The following AFF2 variants were observed in gnomAD, a reference collection of about 807,000 sequenced individuals.
AFF2 encodes AF4/FMR2 family member 2.
AFF2 carries 14 observed loss-of-function variants against 76.9 expected under a neutral mutation model. The ratio of observed to expected loss-of-function variants is 0.18; its 90% CI spans 0.12 to 0.28. The LOEUF (loss-of-function observed/expected upper bound fraction) is 0.28, where lower values mean the gene tolerates loss of function less well. Among genes scored for constraint, AFF2 ranks in the 10% least tolerant of loss-of-function variants. The probability of loss-of-function intolerance (pLI) is 1.00; values close to 1 mark genes in which losing one functional copy is unlikely to be tolerated. For missense variants in AFF2, 868 were observed against 1,001.1 expected (o/e 0.87, Z 1.79); for synonymous variants, 398 against 366.7 (o/e 1.09, Z -0.98).
chrX:148,833,614 A>T (rs1316707369), intron 4 of AFF2, among the ~76,000 whole-genome samples: 1 of 109,872 alleles, frequency 9.1e-6, no homozygotes, highest in African/African-American at 3.3e-5. Context: ...AAAAAAAAAA[A>T]ATAAAAAATA....
intron 7 of AFF2, among the ~76,000 whole-genome samples, chrX:148,864,155 G>A (rs1378447895): frequency 1.8e-5 from 2 of 111,680 alleles, no homozygotes; most frequent in Non-Finnish European, 3.8e-5. Context: ...TGGCATAATC[G>A]TTGAATTTGA....
intron 9 of AFF2, among the ~76,000 whole-genome samples, chrX:148,920,759 G>A (rs1209374489): frequency 9.0e-6 from 1 of 110,761 alleles, no homozygotes; most frequent in African/African-American, 3.3e-5. Flanking sequence ...TAAGATGGGG[G>A]ACATAGTTTA....
intron 13 of AFF2, among the ~76,000 whole-genome samples, chrX:148,963,787 G>A (rs1051160926): frequency 2.7e-5 from 3 of 112,225 alleles, no homozygotes; most frequent in African/African-American, 9.7e-5. Context: ...ACTGTCTTGG[G>A]CTGGCCTAAC....
At chrX:148,698,797 GTTTTTTTTT>G (rs142604433) in intron 3 of AFF2, among the ~76,000 whole-genome samples, 1 of 71,714 alleles carries the variant, frequency 1.4e-5, no homozygotes, top group African/African-American at 5.0e-5. Context: ...GAGTTCTAGT[GTTTTTTTTT>G]TTTTTTTTTT....
At chrX:148,785,363 T>A (rs188413515) in intron 3 of AFF2, among the ~76,000 whole-genome samples, 17 of 111,789 alleles carry the variant, frequency 1.5e-4, no homozygotes, top group Admixed American at 1.5e-3. Context: ...TTTAGGTGAT[T>A]TCTGGGACAT....
intron 1 of AFF2, among the ~76,000 whole-genome samples, chrX:148,508,374 G>A (rs2052447048): frequency 9.0e-6 from 1 of 111,625 alleles, no homozygotes; most frequent in South Asian, 3.7e-4. Context: ...TTTCTTTTTT[G>A]TATAAGTAAA....
intron 2 of AFF2, among the ~76,000 whole-genome samples, chrX:148,655,035 A>C (rs1302072011): frequency 9.0e-6 from 1 of 111,144 alleles, no homozygotes; most frequent in African/African-American, 3.3e-5. Flanking sequence ...CTTTAAGGTA[A>C]ATGCCATCTT....
rs144227454 is a variant in AFF2 at position 148,566,952 on chromosome X, C to G, written c.47+65808C>G. On this transcript the variant is annotated intron_variant, in intron 1 of 20. Transcript: ENST00000370460. Reference sequence around the variant, plus strand: ...TTTTTGCTTCATAGTATTTCTTACTCTTAGAGTTCAGTGATTATTTGTGTA... The same window carrying G: ...TTTTTGCTTCATAGTATTTCTTACTGTTAGAGTTCAGTGATTATTTGTGTA... Among the ~76,000 whole-genome samples, 804 of 111,659 alleles carry G rather than the reference C, an allele frequency of 7.2e-3. 10 individuals carry two copies. Among genetic ancestry groups the G allele is most frequent in the African/African-American group, 0.025 (768 of 30,762 alleles).
chrX:148,633,384 C>G (rs1455348765), intron 1 of AFF2, among the ~76,000 whole-genome samples: 2 of 111,999 alleles, frequency 1.8e-5, no homozygotes, highest in African/African-American at 6.5e-5. Context: ...GCCTCTTCTA[C>G]TCTGTGGTAC....
At chrX:148,945,714 C>G (rs781794678) in intron 9 of AFF2, among the ~76,000 whole-genome samples, 1 of 112,262 alleles carries the variant, frequency 8.9e-6, no homozygotes, top group Admixed American at 9.4e-5. Context: ...ATCCAGCCCT[C>G]TTAAAAACCT....
intron 9 of AFF2, 49 bp downstream of exon 9, chrX:148,904,307 A>T: frequency 1.3e-6 from 1 of 746,638 alleles, no homozygotes; most frequent in Admixed American, 2.5e-5. Context: ...AACGGACTCG[A>T]TGCATGTGAA....
intron 3 of AFF2, among the ~76,000 whole-genome samples, chrX:148,767,672 T>C (rs1291195791): frequency 8.9e-6 from 1 of 111,943 alleles, no homozygotes; most frequent in Non-Finnish European, 1.9e-5. Flanking sequence ...ACAAACAAAT[T>C]ACAGCCATCT....
chrX:148,866,979 C>T (rs1351183194), intron 7 of AFF2, among the ~76,000 whole-genome samples: 6 of 111,962 alleles, frequency 5.4e-5, no homozygotes, highest in African/African-American at 1.6e-4. Context: ...TCATCAACAA[C>T]GCACATGTGG....
chrX:148,854,657 A>G (rs1452684670), intron 7 of AFF2, among the ~76,000 whole-genome samples: 1 of 111,590 alleles, frequency 9.0e-6, no homozygotes, highest in Non-Finnish European at 1.9e-5. Flanking sequence ...GCTTAGTGGC[A>G]TAAAAGCTGA....
At chrX:148,888,161 A>G (rs1211120829) in intron 8 of AFF2, among the ~76,000 whole-genome samples, 3 of 111,653 alleles carry the variant, frequency 2.7e-5, no homozygotes, top group Non-Finnish European at 5.7e-5. Flanking sequence ...TGGAAACTCC[A>G]TACCCATTAA....
rs782191189 is a variant in AFF2, at chrX:148,791,175, A to G, written c.1042-18701A>G. Among the ~76,000 whole-genome samples the G allele has an allele frequency of 5.3e-5, 6 of 112,425 alleles. No homozygotes were observed. The South Asian group carries it at 2.2e-3, about 42-fold the overall frequency. On this transcript the variant is annotated intron_variant, in intron 3 of 20. Coordinates refer to ENST00000370460, the MANE Select transcript of AFF2 (RefSeq NM_002025.4). ...AAAGTTGCTATATTAGTCTGTTCTC[A>G]TGCTGCTAATAAAGACATACCCCAA...
intron 4 of AFF2, among the ~76,000 whole-genome samples, chrX:148,824,388 G>C (rs1332172893): frequency 3.6e-5 from 4 of 111,669 alleles, no homozygotes; most frequent in Non-Finnish European, 5.6e-5. Context: ...TTTACTAAAA[G>C]AGTGGACCTT....
Position 148,996,456 on chromosome X carries a change from G to A in AFF2, c.*5124G>A, listed in dbSNP as rs369931707. ...AACACATGGTTGGAAAGAGATGCAC[G>A]CAGTTGGCTCTTGCAAGCCTGGGCA... On this transcript the variant is annotated 3_prime_UTR_variant, in exon 21 of 21. Coordinates refer to ENST00000370460, the MANE Select transcript of AFF2 (RefSeq NM_002025.4). 8.9e-6 allele frequency: 1 copy of A among 112,793 alleles called. No homozygotes were observed. Among genetic ancestry groups the A allele is most frequent in the Non-Finnish European group, 1.9e-5 (1 of 53,386 alleles). The allele number at this position is 112,793 out of a possible 1,213,427, so 9.3% of individuals were successfully genotyped here.
At chrX:148,854,750 G>A (rs781985185) in intron 7 of AFF2, among the ~76,000 whole-genome samples, 57 of 111,605 alleles carry the variant, frequency 5.1e-4, no homozygotes, top group African/African-American at 1.7e-3. Flanking sequence ...AGGGTGAGTG[G>A]CACTTGCAAT....
Sources: allele counts gnomAD v4.1 joint callset (sites outside exome capture counted in the v4.1 genomes callset), GRCh38; gene constraint gnomAD v4.1.1; transcripts MANE v1.5; gene names NCBI Gene and HGNC (gene_info 2026-07-23, HGNC 2026-07-21).